The following IRF6 variants were observed in gnomAD, a reference collection of about 807,000 sequenced individuals.
The protein encoded by IRF6 is interferon regulatory factor 6, also known as Van der Woude syndrome.
Under a neutral mutation model 51.4 loss-of-function variants are expected in IRF6, and 6 were observed. The observed-to-expected ratio is 0.12, with a 90% CI of 0.06 to 0.23. The LOEUF is 0.23. Among genes scored for constraint, IRF6 ranks in the 10% least tolerant of loss-of-function variants. The probability of loss-of-function intolerance (pLI) is 1.00; values close to 1 mark genes in which losing one functional copy is unlikely to be tolerated. For missense variants in IRF6, 348 were observed against 585.2 expected, an observed-to-expected ratio of 0.59 and a Z score of 4.18; for synonymous variants, 178 against 215.7, an observed-to-expected ratio of 0.83 and a Z score of 1.53.
chr1:209,794,176 T>C (rs2077886849), intron 5 of IRF6, among the ~76,000 whole-genome samples: 1 of 152,240 alleles, frequency 6.6e-6, no homozygotes, highest in African/African-American at 2.4e-5. Flanking sequence ...CTGGACTAAT[T>C]TACATTCCCA....
At chr1:209,789,544 C>T (rs2077856275) in intron 8 of IRF6, 123 bp downstream of exon 8, 3 of 778,090 alleles carry the variant, frequency 3.9e-6, no homozygotes, top group South Asian at 1.4e-5. Flanking sequence ...AGTCTGTTAC[C>T]CCATCTGATG....
intron 3 of IRF6, among the ~76,000 whole-genome samples, chr1:209,797,824 CTT>C (rs976174446): frequency 4.6e-5 from 7 of 152,178 alleles, no homozygotes; most frequent in African/African-American, 1.7e-4. Context: ...TCTCTGATCT[CTT>C]TGTGCAGGAG....
Position 209,790,452 on chromosome 1 carries a change from CA to C in IRF6, c.1060+42del. 1.9e-6 allele frequency: 3 copies of C among 1,600,772 alleles called. No individual in the cohort carries two copies. The highest frequency in any genetic ancestry group is 2.6e-6 in the Non-Finnish European group (3 of 1,169,426). On this transcript the variant is annotated intron_variant, in intron 7 of 8. Coordinates refer to ENST00000367021, the MANE Select transcript of IRF6 (RefSeq NM_006147.4). This position sits in a 1 kb window ranked among gnomAD's most constrained non-coding sequence, Gnocchi z 4.8. ...AGGGATAGTGGAAGGAATGTACTTCCAGAGAGTGATTCCCACGATCAACTTT... is the reference window on the plus strand; with the variant it reads ...AGGGATAGTGGAAGGAATGTACTTCCGAGAGTGATTCCCACGATCAACTTT...
chr1:209,799,434 G>A (rs1302023081), intron 3 of IRF6, among the ~76,000 whole-genome samples: 3 of 152,164 alleles, frequency 2.0e-5, no homozygotes, highest in South Asian at 2.1e-4. Context: ...GGGTTGTCAC[G>A]AGAATTAAAA....
At chr1:209,791,928 G>A (rs2077871348) in intron 6 of IRF6, among the ~76,000 whole-genome samples, 2 of 152,040 alleles carry the variant, frequency 1.3e-5, no homozygotes, top group Admixed American at 1.3e-4. Flanking sequence ...AGGGACCATG[G>A]GCATGCACTG....
chr1:209,803,875 G>C lies in IRF6; in HGVS notation c.-75-1832C>G, dbSNP rs1166547575. ...TTTACAATATGAAGTTGTGGGGGCA[G>C]GGGGAAACAGCATACAACTTGACTG... On this transcript the variant is annotated intron_variant, in intron 1 of 8. Transcript: ENST00000367021. Among the ~76,000 whole-genome samples the C allele has an allele frequency of 2.3e-5, 3 of 129,856 alleles. No individual in the cohort carries two copies. The East Asian group carries it at 8.6e-4, about 37-fold the overall frequency. 85.2% of individuals were successfully genotyped at this position (129,856 alleles called of 152,430 possible). A position where few individuals can be genotyped will look rare whatever the true frequency, so the allele number is the denominator to read the frequency against.
chr1:209,791,171 T>C, intron 6 of IRF6: 3 of 447,318 alleles, frequency 6.7e-6, no homozygotes, highest in Non-Finnish European at 8.9e-6. Context: ...GGTCCTGGTG[T>C]CCCCACGCTA....
At chr1:209,789,646 G>A in intron 8 of IRF6, 21 bp downstream of exon 8, 5 of 1,551,368 alleles carry the variant, frequency 3.2e-6, no homozygotes, top group Non-Finnish European at 4.5e-6. Flanking sequence ...AAGAGTTGTT[G>A]ACACAGCCTT....
chr1:209,788,382 T>C lies in IRF6; in HGVS notation c.*38A>G, dbSNP rs1338599368. On this transcript the variant is annotated 3_prime_UTR_variant, in exon 9 of 9. Transcript: ENST00000367021. ...ACAATAAAAAAATCCATATGTACAA[T>C]ATTATAAAAAAGAGAAGGAAGAAGA... 9.9e-6 allele frequency: 13 copies of C among 1,315,694 alleles called. No homozygotes were observed. The highest frequency in any genetic ancestry group is 1.2e-5 in the Non-Finnish European group (11 of 912,412). The allele number at this position is 1,315,694 out of a possible 1,614,324, so 81.5% of individuals were successfully genotyped here.
rs1457947409 is a variant in IRF6 at position 209,788,335 on chromosome 1, T to A, written c.*85A>T. 1 of 893,194 alleles carries A rather than the reference T, an allele frequency of 1.1e-6. No individual in the cohort carries two copies. The highest frequency in any genetic ancestry group is 1.8e-6 in the Non-Finnish European group (1 of 560,852). The allele number at this position is 893,194 out of a possible 1,614,324, so 55.3% of individuals were successfully genotyped here. A position where few individuals can be genotyped will look rare whatever the true frequency, so the allele number is the denominator to read the frequency against. ...CTAACACTGTTAGAGAAAAGAGAGA[T>A]TTAAAAGCTGGTTAAATCTAAACAA... On this transcript the variant is annotated 3_prime_UTR_variant, in exon 9 of 9. Coordinates refer to ENST00000367021, the MANE Select transcript of IRF6 (RefSeq NM_006147.4).
rs533248616 is a variant in IRF6 at position 209,790,257 on chromosome 1, C to A, written c.1060+238G>T. On this transcript the variant is annotated intron_variant, in intron 7 of 8. Coordinates refer to ENST00000367021, the MANE Select transcript of IRF6 (RefSeq NM_006147.4). The surrounding 1 kb of genome is among the most constrained non-coding windows in gnomAD (Gnocchi z 4.8). ...CCCTCTTCTGCCATTGAAGGAGCCA[C>A]AACCAACTTAAAAATAGCTTCCAAG... Among the ~76,000 whole-genome samples the A allele has an allele frequency of 6.6e-6, 1 of 152,234 alleles. No individual in the cohort carries two copies. Among genetic ancestry groups the A allele is most frequent in the Non-Finnish European group, 1.5e-5 (1 of 68,034 alleles).
intron 3 of IRF6, among the ~76,000 whole-genome samples, chr1:209,800,270 C>T (rs1051620411): frequency 6.6e-6 from 1 of 152,140 alleles, no homozygotes; most frequent in East Asian, 1.9e-4. Context: ...CTACTTCTGT[C>T]TTAAGTCAAG....
intron 1 of IRF6, among the ~76,000 whole-genome samples, chr1:209,803,909 T>G (rs2077958735): frequency 6.6e-6 from 1 of 152,154 alleles, no homozygotes; most frequent in South Asian, 2.1e-4. Flanking sequence ...TGTGTAGCAC[T>G]ATCTCCATCT....
In IRF6 at chr1:209,788,125, G is replaced by A; in HGVS notation, c.*295C>T. ...CCAGAGGTTAAAGGACTTGTTCAAG[G>A]TCACATTGGAAGCAAAGCTGCAGCT... On this transcript the variant is annotated 3_prime_UTR_variant, in exon 9 of 9. Transcript: ENST00000367021. 2 of 431,354 alleles carry A rather than the reference G, an allele frequency of 4.6e-6. No individual in the cohort carries two copies. Among genetic ancestry groups the A allele is most frequent in the Non-Finnish European group, 8.5e-6 (2 of 235,464 alleles). 26.7% of individuals were successfully genotyped at this position (431,354 alleles called of 1,614,324 possible).
chr1:209,792,210 C>T, intron 6 of IRF6, 59 bp downstream of exon 6: 2 of 1,537,972 alleles, frequency 1.3e-6, no homozygotes, highest in Non-Finnish European at 9.0e-7. Flanking sequence ...GAAAGCAGGA[C>T]AGGAAAGAGT....
At chr1:209,800,264 T>C (rs2077932471) in intron 3 of IRF6, among the ~76,000 whole-genome samples, 1 of 152,240 alleles carries the variant, frequency 6.6e-6, no homozygotes, top group African/African-American at 2.4e-5. Flanking sequence ...GTCCACCTAC[T>C]TCTGTCTTAA....
chr1:209,794,188 C>A (rs1289414268), intron 5 of IRF6, among the ~76,000 whole-genome samples: 2 of 152,212 alleles, frequency 1.3e-5, no homozygotes, highest in Non-Finnish European at 2.9e-5. Context: ...ACATTCCCAC[C>A]AGCAGGATAT....
rs2077836668 is a variant in IRF6, at chr1:209,786,734, GAA to G, written c.*1684_*1685del. On this transcript the variant is annotated 3_prime_UTR_variant, in exon 9 of 9. Transcript: ENST00000367021. ...ATAGCAAATTCCACTAGGTCTCTTAGAAACTCTAAAACCAAGGCTTAAGCACT... is the reference window on the plus strand; with the variant it reads ...ATAGCAAATTCCACTAGGTCTCTTAGACTCTAAAACCAAGGCTTAAGCACT... 4.1e-5 allele frequency: 6 copies of G among 145,910 alleles called. No homozygotes were observed. Among genetic ancestry groups the G allele is most frequent in the Admixed American group, 2.7e-4 (4 of 14,616 alleles). The allele number at this position is 145,910 out of a possible 1,614,324, so 9.0% of individuals were successfully genotyped here. A position where few individuals can be genotyped will look rare whatever the true frequency, so the allele number is the denominator to read the frequency against.
intron 5 of IRF6, among the ~76,000 whole-genome samples, chr1:209,793,601 T>C (rs2077882355): frequency 6.6e-6 from 1 of 152,216 alleles, no homozygotes; most frequent in Non-Finnish European, 1.5e-5. Context: ...CAGGGATACA[T>C]GTGCAGGTTT....
Sources: gnomAD v4.1 joint callset for allele counts (sites outside exome capture counted in the v4.1 genomes callset) on GRCh38, gnomAD v4.1.1 for gene constraint, Gnocchi (gnomAD v3.1) non-coding constraint, MANE v1.5 for transcripts, NCBI Gene and HGNC (gene_info 2026-07-23, HGNC 2026-07-21) for gene names.